Variants in CPD observed in about 807,000 individuals in gnomAD.
CPD encodes carboxypeptidase D.
In CPD, 69 loss-of-function variants were observed where a neutral mutation model predicts 138.3. That is an observed-to-expected ratio of 0.50 (90% CI 0.41 to 0.61). The LOEUF (loss-of-function observed/expected upper bound fraction) is 0.61, where lower values mean the gene tolerates loss of function less well. Ranked by LOEUF, CPD falls within the 20% of genes least tolerant of loss-of-function variation. The probability of loss-of-function intolerance (pLI) is 0.00; values close to 1 mark genes in which losing one functional copy is unlikely to be tolerated. For synonymous variants in CPD, 651 were observed against 642.1 expected (o/e 1.01, Z -0.21); for missense variants, 1,432 against 1,733.3 (o/e 0.83, Z 3.09).
intron 2 of CPD, among the ~76,000 whole-genome samples, chr17:30,394,006 A>T (rs974366489): frequency 1.3e-5 from 2 of 150,652 alleles, no homozygotes; most frequent in Non-Finnish European, 2.9e-5. Context: ...ATGGTGATGC[A>T]CCCCTGTAGT....
intron 8 of CPD, among the ~76,000 whole-genome samples, chr17:30,434,338 C>T (rs1912645042): frequency 6.6e-6 from 1 of 152,120 alleles, no homozygotes; most frequent in Non-Finnish European, 1.5e-5. Flanking sequence ...GCACCTACCC[C>T]ACCTTCGCCC....
Position 30,378,953 on chromosome 17 carries a change from G to A in CPD, c.-28G>A, listed in dbSNP as rs989751472. The stretch of plus-strand genomic sequence containing the variant: ...CCCGGAGCGCTGAGCCGCGGGAGCG[G>A]AGCCGGGGTTAGCGGCGCTGCTGGA... On this transcript the variant is annotated 5_prime_UTR_variant, in exon 1 of 21. Transcript: ENST00000225719. The A allele has an allele frequency of 2.7e-6, 4 of 1,458,402 alleles. No individual in the cohort carries two copies. The African/African-American group carries it at 4.5e-5, about 16-fold the overall frequency. 90.3% of individuals were successfully genotyped at this position (1,458,402 alleles called of 1,614,324 possible).
intron 9 of CPD, among the ~76,000 whole-genome samples, chr17:30,441,992 G>T (rs942084838): frequency 2.6e-5 from 4 of 151,536 alleles, no homozygotes; most frequent in African/African-American, 9.7e-5. Context: ...AATGGTACCA[G>T]TTCCTCCTTG....
chr17:30,443,659 A>T (rs1451721905), intron 10 of CPD, 143 bp from the exon 11 acceptor site: 18 of 710,820 alleles, frequency 2.5e-5, no homozygotes, highest in Non-Finnish European at 4.0e-5. Flanking sequence ...ATGAACATTT[A>T]CATTGAACTT....
intron 2 of CPD, among the ~76,000 whole-genome samples, chr17:30,406,455 A>C (rs1264495321): frequency 6.6e-6 from 1 of 152,090 alleles, no homozygotes; most frequent in Non-Finnish European, 1.5e-5. Context: ...CCTACTTGCT[A>C]CCTGGGGGAT....
chr17:30,439,113 A>G, intron 9 of CPD, 36 bp downstream of exon 9: 1 of 1,213,038 alleles, frequency 8.2e-7, no homozygotes, highest in South Asian at 1.4e-5. Context: ...TTACAACTTG[A>G]TGGCCTTTCT....
rs547649645 is a variant in CPD, at chr17:30,465,015, A to AG, written c.*201_*202insG. ...TAAAGTACTCTAAACCTTTAAAAAA[A>AG]AATCTGATTTATGCAGCAGAGATGG... On this transcript the variant is annotated 3_prime_UTR_variant, in exon 21 of 21. Transcript: ENST00000225719. The AG allele has an allele frequency of 6.6e-4, 360 of 549,200 alleles. 1 individual carries two copies. Among genetic ancestry groups the AG allele is most frequent in the African/African-American group, 6.1e-3 (322 of 52,918 alleles). 34.0% of individuals were successfully genotyped at this position (549,200 alleles called of 1,614,324 possible).
chr17:30,423,455 A>G, intron 5 of CPD, 51 bp from the exon 6 acceptor site: 2 of 1,348,082 alleles, frequency 1.5e-6, no homozygotes, highest in Non-Finnish European at 2.0e-6. Context: ...AACTGAGTCC[A>G]TGATGATTAA....
intron 14 of CPD, among the ~76,000 whole-genome samples, 167 bp downstream of exon 14, chr17:30,452,013 T>C (rs1370299118): frequency 6.6e-6 from 1 of 152,258 alleles, no homozygotes; most frequent in Non-Finnish European, 1.5e-5. Context: ...TGAATTTTTC[T>C]CCATTATTAT....
Position 30,379,350 on chromosome 17 carries a change from C to T in CPD, c.370C>T (p.Pro124Ser), listed in dbSNP as rs978384555. 1.1e-5 allele frequency: 17 copies of T among 1,495,550 alleles called. No individual in the cohort carries two copies. The African/African-American group carries it at 1.2e-4, about 10-fold the overall frequency. The allele number at this position is 1,495,550 out of a possible 1,614,324, so 92.6% of individuals were successfully genotyped here. The change falls in exon 1 of 21, where the codon CCG (proline) becomes TCG (serine). Residue 124 changes from proline (P) to serine (S), a missense_variant. Pro to Ser is a moderately conservative substitution (Grantham distance 74). Coordinates refer to ENST00000225719, the MANE Select transcript of CPD (RefSeq NM_001304.5). The surrounding 1 kb of genome is among the most constrained non-coding windows in gnomAD (Gnocchi z 7.0). ...PDAAGPDAAG[P>S]LLPGRPQVKL... ...CGCTGCCGGGCCCGACGCTGCGGGG[C>T]CGCTGCTGCCCGGCCGGCCCCAGGT...
At position 30,467,812 on chromosome 17, in the gene CPD, G is replaced by A. The variant is rs1443287457; in HGVS notation, c.*2998G>A. On this transcript the variant is annotated 3_prime_UTR_variant, in exon 21 of 21. Coordinates refer to ENST00000225719, the MANE Select transcript of CPD (RefSeq NM_001304.5). ...TCTTGTTGTTGCCAGAAATGCACTT[G>A]TGCCAGGTATTGTCCCTGCTGTATG... 1 of 152,112 alleles carries A rather than the reference G, an allele frequency of 6.6e-6. No homozygotes were observed. The highest frequency in any genetic ancestry group is 2.4e-5 in the African/African-American group (1 of 41,412). The allele number at this position is 152,112 out of a possible 1,614,324, so 9.4% of individuals were successfully genotyped here. A position where few individuals can be genotyped will look rare whatever the true frequency, so the allele number is the denominator to read the frequency against.
At position 30,422,783 on chromosome 17, in the gene CPD, G is replaced by A. The variant is rs1337274345; in HGVS notation, c.1417G>A (p.Ala473Thr). 2 of 1,614,018 alleles carry A rather than the reference G, an allele frequency of 1.2e-6. No homozygotes were observed. Among genetic ancestry groups the A allele is most frequent in the South Asian group, 2.2e-5 (2 of 91,082 alleles). Residue 473 changes from alanine to threonine, a missense_variant, in exon 5 of 21, where the codon GCT becomes ACT. Ala to Thr is a moderately conservative substitution (Grantham distance 58). This residue lies in a region of CPD where 160 missense variants were observed against 197.9 expected (regional missense o/e 0.81). Coordinates refer to ENST00000225719, the MANE Select transcript of CPD (RefSeq NM_001304.5). ...VTSVIPDTTEAVSTASTVAIP... is the reference protein window; with the variant it reads ...VTSVIPDTTETVSTASTVAIP... The stretch of plus-strand genomic sequence containing the variant: ...TTCAGTAATCCCTGACACGACAGAG[G>A]CTGTATCAACTGCTAGCACAGTTGC...
chr17:30,424,853 C>G (rs1399552219), intron 6 of CPD, among the ~76,000 whole-genome samples: 1 of 152,128 alleles, frequency 6.6e-6, no homozygotes, highest in Non-Finnish European at 1.5e-5. Flanking sequence ...TAATATGGAG[C>G]CTCATGACTT....
chr17:30,386,053 A>G (rs1353415212), intron 2 of CPD, among the ~76,000 whole-genome samples: 1 of 152,096 alleles, frequency 6.6e-6, no homozygotes, highest in Non-Finnish European at 1.5e-5. Flanking sequence ...TTTAAGAGAT[A>G]GGGTCTCACT....
At chr17:30,421,536 G>T in intron 3 of CPD, 128 bp from the exon 4 acceptor site, 1 of 755,938 alleles carries the variant, frequency 1.3e-6, no homozygotes, top group South Asian at 1.7e-5. Context: ...TCAAGGGATT[G>T]AAAATGTTTT....
rs1185035532 is a variant in CPD at position 30,462,547 on chromosome 17, C to T, written c.3916+78C>T. 5 of 912,106 alleles carry T rather than the reference C, an allele frequency of 5.5e-6. No individual in the cohort carries two copies. In the African/African-American group the frequency reaches 6.6e-5, roughly 12 times the overall value. The allele number at this position is 912,106 out of a possible 1,614,324, so 56.5% of individuals were successfully genotyped here. A position where few individuals can be genotyped will look rare whatever the true frequency, so the allele number is the denominator to read the frequency against. The stretch of plus-strand genomic sequence containing the variant: ...CAATATGAGAGTGGGTCACCTCTCT[C>T]ATATTGATCCTGAAACTAATCACTT... On this transcript the variant is annotated intron_variant, in intron 20 of 20. Coordinates refer to ENST00000225719, the MANE Select transcript of CPD (RefSeq NM_001304.5).
rs999734244 is a variant in CPD at position 30,427,460 on chromosome 17, A to G, written c.1919A>G (p.Gln640Arg). The G allele has an allele frequency of 2.5e-6, 4 of 1,614,152 alleles. No homozygotes were observed. Among genetic ancestry groups the G allele is most frequent in the Non-Finnish European group, 3.4e-6 (4 of 1,179,992 alleles). ...NFDLNRNFPD[Q>R]FVQITDPTQP... ...GACCTGAACCGAAATTTCCCAGACCAGTTTGTTCAGATCACAGATCCTACG... is the reference window on the plus strand; with the variant it reads ...GACCTGAACCGAAATTTCCCAGACCGGTTTGTTCAGATCACAGATCCTACG... The change falls in exon 7 of 21, where the codon CAG (glutamine) becomes CGG (arginine). Residue 640 changes from glutamine to arginine, a missense_variant. Gln to Arg is a conservative substitution (Grantham distance 43, BLOSUM62 1). Coordinates refer to ENST00000225719, the MANE Select transcript of CPD (RefSeq NM_001304.5).
chr17:30,416,216 C>T (rs1912103511), intron 2 of CPD, among the ~76,000 whole-genome samples: 1 of 152,150 alleles, frequency 6.6e-6, no homozygotes. Context: ...CCTGTAATCT[C>T]AGCTACTCAG....
At chr17:30,420,636 C>T (rs1912240659) in intron 2 of CPD, among the ~76,000 whole-genome samples, 1 of 152,138 alleles carries the variant, frequency 6.6e-6, no homozygotes, top group Non-Finnish European at 1.5e-5. Flanking sequence ...TATTTTTTCA[C>T]TATATATTCT....
Sources: gnomAD v4.1 joint callset for allele counts (sites outside exome capture counted in the v4.1 genomes callset) on GRCh38, gnomAD v4.1.1 for gene constraint, gnomAD v4.1.1 regional missense constraint, Gnocchi (gnomAD v3.1) non-coding constraint, MANE v1.5 for transcripts, NCBI Gene and HGNC (gene_info 2026-07-23, HGNC 2026-07-21) for gene names.